Variants in ITPR2 observed in about 807,000 individuals in gnomAD.
ITPR2 encodes inositol 1,4,5-trisphosphate receptor type 2, also known as inositol 1,4,5-trisphosphate-gated calcium channel ITPR2.
Under a neutral mutation model 317.1 loss-of-function variants are expected in ITPR2, and 207 were observed. That is an observed-to-expected ratio of 0.65 (90% CI 0.58 to 0.73). The LOEUF (loss-of-function observed/expected upper bound fraction) is 0.73. Among genes scored for constraint, ITPR2 ranks in the 30% least tolerant of loss-of-function variants. The probability of loss-of-function intolerance (pLI) is 0.00; values close to 1 mark genes in which losing one functional copy is unlikely to be tolerated. For synonymous variants in ITPR2, 1,156 were observed against 1,149.1 expected, an observed-to-expected ratio of 1.01 and a Z score of -0.12; for missense variants, 2,613 against 3,284.0, an observed-to-expected ratio of 0.80 and a Z score of 4.99.
chr12:26,437,657 A>G (rs530043304), intron 47 of ITPR2, among the ~76,000 whole-genome samples: 1 of 128,486 alleles, frequency 7.8e-6, no homozygotes, highest in East Asian at 2.0e-4. Context: ...AGTAAAATGT[A>G]CATTGAAAAT....
At chr12:26,502,593 A>G (rs1449369197) in intron 37 of ITPR2, among the ~76,000 whole-genome samples, 1 of 152,204 alleles carries the variant, frequency 6.6e-6, no homozygotes, top group Non-Finnish European at 1.5e-5. Flanking sequence ...CATGCTCACC[A>G]AAGACTGGGG....
At chr12:26,743,987 C>T (rs1949277311) in intron 2 of ITPR2, among the ~76,000 whole-genome samples, 1 of 152,252 alleles carries the variant, frequency 6.6e-6, no homozygotes, top group Non-Finnish European at 1.5e-5. Flanking sequence ...TTCTTACCAA[C>T]TCATCATCCT....
intron 20 of ITPR2, among the ~76,000 whole-genome samples, chr12:26,654,835 C>A (rs1234555072): frequency 6.6e-6 from 1 of 152,196 alleles, no homozygotes. Flanking sequence ...CCACCAACAA[C>A]CCCTCCAGTG....
Position 26,631,968 on chromosome 12 carries a change from C to A in ITPR2, c.2832G>T (p.Pro944=), listed in dbSNP as rs374132493. Residue 944 remains proline (P), a synonymous_variant, in exon 22 of 57, where the codon CCG becomes CCT. Coordinates refer to ENST00000381340, the MANE Select transcript of ITPR2 (RefSeq NM_002223.4). The part of the protein sequence containing the change: ...SRGSIFPMSV[P]DVPPSIHPSK... ...TCGGGTGGATGCTGGGTGGCACATC[C>A]GGCACGCTCATGGGGAAGATGGAGC... 6 of 1,613,544 alleles carry A rather than the reference C, an allele frequency of 3.7e-6. No individual in the cohort carries two copies. Among genetic ancestry groups the A allele is most frequent in the Non-Finnish European group, 5.1e-6 (6 of 1,179,842 alleles).
At chr12:26,401,213 A>G (rs1311177951) in intron 52 of ITPR2, among the ~76,000 whole-genome samples, 2 of 151,896 alleles carry the variant, frequency 1.3e-5, no homozygotes, top group African/African-American at 4.8e-5. Flanking sequence ...TGGGTAACAG[A>G]GCAAGACTCT....
intron 6 of ITPR2, 96 bp downstream of exon 6, chr12:26,716,048 T>C (rs1948734956): frequency 1.2e-6 from 1 of 824,366 alleles, no homozygotes; most frequent in Non-Finnish European, 2.0e-6. Flanking sequence ...ACTGGGATTA[T>C]GCTCATGAAA....
intron 55 of ITPR2, among the ~76,000 whole-genome samples, chr12:26,361,445 A>G (rs1227885873): frequency 6.6e-6 from 1 of 152,046 alleles, no homozygotes. Flanking sequence ...CCATTGCATC[A>G]TAATTCTTTT....
intron 10 of ITPR2, among the ~76,000 whole-genome samples, chr12:26,695,031 T>C: frequency 6.6e-6 from 1 of 152,342 alleles, no homozygotes; most frequent in East Asian, 1.9e-4. Context: ...GCCATGTTAA[T>C]TAAACATTCC....
chr12:26,443,087 CTGTT>C (rs1379463315), intron 46 of ITPR2, among the ~76,000 whole-genome samples: 1 of 152,106 alleles, frequency 6.6e-6, no homozygotes, highest in Non-Finnish European at 1.5e-5. Context: ...AAAATGGAAA[CTGTT>C]AAACCTTTCC....
intron 21 of ITPR2, 45 bp from the exon 22 acceptor site, chr12:26,632,104 G>A: frequency 2.8e-6 from 4 of 1,442,952 alleles, no homozygotes; most frequent in Non-Finnish European, 3.7e-6. Context: ...AACCCCTGGA[G>A]ATCATGTAAC....
intron 2 of ITPR2, among the ~76,000 whole-genome samples, chr12:26,748,215 C>A (rs746052331): frequency 2.0e-5 from 3 of 152,030 alleles, no homozygotes; most frequent in Non-Finnish European, 4.4e-5. Context: ...CCTGCCACCA[C>A]ACTCGACTAA....
At chr12:26,502,354 G>A (rs541863754) in intron 37 of ITPR2, among the ~76,000 whole-genome samples, 1 of 152,108 alleles carries the variant, frequency 6.6e-6, no homozygotes, top group Admixed American at 6.5e-5. Context: ...TGAGAGGAGG[G>A]TAAGTAAGCA....
chr12:26,633,633 C>G (rs1016504722), intron 21 of ITPR2, among the ~76,000 whole-genome samples: 8 of 152,230 alleles, frequency 5.3e-5, no homozygotes, highest in African/African-American at 1.9e-4. Context: ...GCTTCATTGT[C>G]TGTGGTTCTC....
intron 2 of ITPR2, among the ~76,000 whole-genome samples, chr12:26,768,003 T>C (rs970975823): frequency 2.0e-5 from 3 of 152,214 alleles, no homozygotes; most frequent in Admixed American, 6.5e-5. Flanking sequence ...CTCCTTGGTA[T>C]ACCCGCTGAC....
At chr12:26,625,694 T>C (rs1370601640) in intron 23 of ITPR2, among the ~76,000 whole-genome samples, 2 of 152,212 alleles carry the variant, frequency 1.3e-5, no homozygotes, top group Non-Finnish European at 2.9e-5. Flanking sequence ...TACATACATA[T>C]GCACATACTT....
At chr12:26,615,256 T>C (rs1367500627) in intron 26 of ITPR2, among the ~76,000 whole-genome samples, 1 of 151,848 alleles carries the variant, frequency 6.6e-6, no homozygotes, top group Non-Finnish European at 1.5e-5. Context: ...AAAACAGCCA[T>C]AGGGAATCAC....
intron 32 of ITPR2, among the ~76,000 whole-genome samples, chr12:26,587,007 T>C (rs1272975705): frequency 6.6e-6 from 1 of 151,644 alleles, no homozygotes; most frequent in Non-Finnish European, 1.5e-5. Flanking sequence ...TAGGTGATAA[T>C]TTATTATATA....
chr12:26,501,242 C>T (rs1476348227), intron 37 of ITPR2, among the ~76,000 whole-genome samples: 2 of 152,104 alleles, frequency 1.3e-5, no homozygotes, highest in African/African-American at 4.8e-5. Context: ...TTTCTGTAAC[C>T]TTTTGGCTTA....
chr12:26,660,456 A>G (rs1377291912), intron 15 of ITPR2, among the ~76,000 whole-genome samples: 1 of 152,170 alleles, frequency 6.6e-6, no homozygotes, highest in African/African-American at 2.4e-5. Flanking sequence ...AAAGGTTCTT[A>G]CTTTGATTCC....
Sources: gnomAD v4.1 joint callset for allele counts (sites outside exome capture counted in the v4.1 genomes callset) on GRCh38, gnomAD v4.1.1 for gene constraint, MANE v1.5 for transcripts, NCBI Gene and HGNC (gene_info 2026-07-23, HGNC 2026-07-21) for gene names.